Variants in NCSTN observed in about 807,000 individuals in gnomAD.
NCSTN encodes the protein nicastrin, also known as anterior pharynx-defective 2.
NCSTN carries 22 observed loss-of-function variants against 87.0 expected under a neutral mutation model. The observed-to-expected ratio is 0.25, with a 90% CI of 0.18 to 0.36. The LOEUF (loss-of-function observed/expected upper bound fraction) is 0.36, where lower values mean the gene tolerates loss of function less well. Among genes scored for constraint, NCSTN ranks in the 10% least tolerant of loss-of-function variants. The probability of loss-of-function intolerance (pLI) is 1.00; values close to 1 mark genes in which losing one functional copy is unlikely to be tolerated. For missense variants in NCSTN, 693 were observed against 883.3 expected, an observed-to-expected ratio of 0.78 and a Z score of 2.73; for synonymous variants, 306 against 327.1, an observed-to-expected ratio of 0.94 and a Z score of 0.69.
Position 160,351,640 on chromosome 1 carries a change from T to C in NCSTN, c.734-56T>C. ...GGTCAGAGATTTCCAATGTTGCCTT[T>C]ATAGCTACCTTCTCCTTTAGCCTTG... On this transcript the variant is annotated intron_variant, in intron 6 of 16. Transcript: ENST00000294785. 5 of 1,472,064 alleles carry C rather than the reference T, an allele frequency of 3.4e-6. No homozygotes were observed. The South Asian group carries it at 5.7e-5, about 17-fold the overall frequency. The allele number at this position is 1,472,064 out of a possible 1,614,324, so 91.2% of individuals were successfully genotyped here.
At position 160,351,797 on chromosome 1, in the gene NCSTN, G is replaced by A; in HGVS notation, c.835G>A (p.Ala279Thr). The change falls in exon 7 of 17, where the codon GCC (alanine) becomes ACC (threonine). Residue 279 changes from alanine to threonine, a missense_variant. By Grantham distance (58) the Ala-to-Thr change is moderately conservative. This residue lies in a region of NCSTN where 134 missense variants were observed against 226.0 expected (regional missense o/e 0.59). Transcript: ENST00000294785. ...GCCTGACGACAGGGTTGTGGTTGCT[G>A]CCACCCGGGTGAGTGTTGGCTTCTG... Reference protein sequence around the residue: ...LKPDDRVVVAATRLDSRSFFW... With the variant: ...LKPDDRVVVATTRLDSRSFFW... 1 of 1,607,192 alleles carries A rather than the reference G, an allele frequency of 6.2e-7. No individual in the cohort carries two copies. Among genetic ancestry groups the A allele is most frequent in the Admixed American group, 1.7e-5 (1 of 60,024 alleles).
chr1:160,357,055 A>C lies in NCSTN; in HGVS notation c.1809A>C (p.Ser603=). 6.2e-7 allele frequency: 1 copy of C among 1,613,816 alleles called. No homozygotes were observed. Among genetic ancestry groups the C allele is most frequent in the South Asian group, 1.1e-5 (1 of 91,054 alleles). Residue 603 remains serine, a synonymous_variant, in exon 16 of 17, where the codon TCA becomes TCC. Transcript: ENST00000294785. The part of the protein sequence containing the change: ...PSENKDLYEY[S]WVQGPLHSNE... The stretch of plus-strand genomic sequence containing the variant: ...CTTCTGTGCAGCTGTATGAGTACTC[A>C]TGGGTCCAGGGCCCTTTGCATTCTA...
rs201987976 is a variant in NCSTN, at chr1:160,355,750, C to T, written c.1448C>T (p.Thr483Ile). ...GAGGACCTGAACTTTGTAACAGACACTGCCAAGGTAGCACTGAGCCAGGCT... is the reference window on the plus strand; with the variant it reads ...GAGGACCTGAACTTTGTAACAGACATTGCCAAGGTAGCACTGAGCCAGGCT... ...PEEDLNFVTD[T>I]AKALADVATV... Residue 483 changes from threonine to isoleucine, a missense_variant, in exon 12 of 17, where the codon ACT becomes ATT. Transcript: ENST00000294785. 3 of 1,613,438 alleles carry T rather than the reference C, an allele frequency of 1.9e-6. No homozygotes were observed. The highest frequency in any genetic ancestry group is 1.7e-5 in the Admixed American group (1 of 60,028).
At chr1:160,354,553 T>G (rs971078242) in intron 11 of NCSTN, among the ~76,000 whole-genome samples, 1 of 152,182 alleles carries the variant, frequency 6.6e-6, no homozygotes, top group African/African-American at 2.4e-5. Context: ...TCCCTAGCTC[T>G]CCAGGGTCCT....
At chr1:160,344,949 A>G (rs1482938545) in intron 2 of NCSTN, 123 bp downstream of exon 2, 2 of 820,866 alleles carry the variant, frequency 2.4e-6, no homozygotes, top group Non-Finnish European at 4.2e-6. Flanking sequence ...AGGCAGTTAC[A>G]GATAACCGTC....
chr1:160,358,419 G>C lies in NCSTN; in HGVS notation c.*148G>C. ...TAAAAGAGTGGAACTATCCAAAAGA[G>C]ACAGGGAGAAATAAATAAATTGCCT... On this transcript the variant is annotated 3_prime_UTR_variant, in exon 17 of 17. Transcript: ENST00000294785. 1 of 1,057,136 alleles carries C rather than the reference G, an allele frequency of 9.5e-7. No homozygotes were observed. Among genetic ancestry groups the C allele is most frequent in the Non-Finnish European group, 1.4e-6 (1 of 705,022 alleles). The allele number at this position is 1,057,136 out of a possible 1,614,324, so 65.5% of individuals were successfully genotyped here. A position where few individuals can be genotyped will look rare whatever the true frequency, so the allele number is the denominator to read the frequency against.
chr1:160,352,896 G>A lies in NCSTN; in HGVS notation c.1006G>A (p.Asp336Asn), dbSNP rs1477792516. The A allele has an allele frequency of 6.2e-7, 1 of 1,614,034 alleles. No homozygotes were observed. The highest frequency in any genetic ancestry group is 1.7e-5 in the Admixed American group (1 of 60,016). Residue 336 changes from aspartate (D) to asparagine (N), a missense_variant, in exon 9 of 17, where the codon GAC becomes AAC. By Grantham distance (23) the Asp-to-Asn change is conservative. Coordinates refer to ENST00000294785, the MANE Select transcript of NCSTN (RefSeq NM_015331.3). ...TACCTCCATCTCTCAGGAAACTTTTGACTACATTGGCAGCTCGAGGATGGT... is the reference window on the plus strand; with the variant it reads ...TACCTCCATCTCTCAGGAAACTTTTAACTACATTGGCAGCTCGAGGATGGT... ...MFVFFQGETFDYIGSSRMVYD... is the reference protein window; with the variant it reads ...MFVFFQGETFNYIGSSRMVYD...
In NCSTN at chr1:160,355,706, C is replaced by T. The variant is rs200322980; in HGVS notation, c.1404C>T (p.Pro468=). 5.0e-6 allele frequency: 8 copies of T among 1,614,200 alleles called. No homozygotes were observed. Among genetic ancestry groups the T allele is most frequent in the African/African-American group, 2.7e-5 (2 of 75,054 alleles). The change falls in exon 12 of 17, where the codon CCC becomes CCT. Residue 468 remains proline (P), a synonymous_variant. Transcript: ENST00000294785. ...DTAENINVSY[P]EWLSPEEDLN... Reference sequence around the variant, plus strand: ...CTGAGAACATTAATGTGAGCTATCCCGAATGGCTGAGCCCTGAAGAGGACC... The same window carrying T: ...CTGAGAACATTAATGTGAGCTATCCTGAATGGCTGAGCCCTGAAGAGGACC...
At chr1:160,349,801 G>C (rs1019217438) in intron 4 of NCSTN, 131 bp downstream of exon 4, 3 of 1,318,882 alleles carry the variant, frequency 2.3e-6, no homozygotes, top group Admixed American at 1.9e-5. Flanking sequence ...TCCCAAACAG[G>C]GGGTAGTGTT....
chr1:160,348,699 ATTG>A (rs1359420324), intron 2 of NCSTN, among the ~76,000 whole-genome samples: 4 of 152,210 alleles, frequency 2.6e-5, no homozygotes, highest in African/African-American at 4.8e-5. Context: ...TTTGGTGTCT[ATTG>A]TTGTAGAATC....
chr1:160,353,265 T>C, intron 10 of NCSTN, 28 bp downstream of exon 10: 2 of 1,614,074 alleles, frequency 1.2e-6, no homozygotes, highest in Non-Finnish European at 8.5e-7. Context: ...CCTCATTTCC[T>C]ATTCCTACAG....
In NCSTN at chr1:160,355,976, A is replaced by G; in HGVS notation, c.1551+18A>G. 6.3e-7 allele frequency: 1 copy of G among 1,593,158 alleles called. No individual in the cohort carries two copies. Among genetic ancestry groups the G allele is most frequent in the Non-Finnish European group, 8.6e-7 (1 of 1,161,434 alleles). ...CCCAAACGGTAAGCAGATGGGCCCTAGCTCCTTCTTTCTATTTACACAGCA... is the reference window on the plus strand; with the variant it reads ...CCCAAACGGTAAGCAGATGGGCCCTGGCTCCTTCTTTCTATTTACACAGCA... On this transcript the variant is annotated intron_variant, in intron 13 of 16. Coordinates refer to ENST00000294785, the MANE Select transcript of NCSTN (RefSeq NM_015331.3).
chr1:160,349,764 T>C (rs1195960645), intron 4 of NCSTN, 94 bp downstream of exon 4: 1 of 1,529,044 alleles, frequency 6.5e-7, no homozygotes, highest in East Asian at 2.3e-5. Flanking sequence ...TATGTGTTTG[T>C]GTCTGTGTGT....
chr1:160,352,758 A>T, intron 8 of NCSTN, 129 bp from the exon 9 acceptor site: 3 of 753,440 alleles, frequency 4.0e-6, no homozygotes, highest in Non-Finnish European at 7.2e-6. Context: ...ACATGACTGT[A>T]AGCTGACTAG....
chr1:160,354,627 G>A (rs1649041011), intron 11 of NCSTN, among the ~76,000 whole-genome samples: 1 of 152,126 alleles, frequency 6.6e-6, no homozygotes, highest in Admixed American at 6.5e-5. Flanking sequence ...GGATGGTGGG[G>A]GCCCTTTGGC....
In NCSTN at chr1:160,356,115, C is replaced by T. The variant is rs571718831; in HGVS notation, c.1552-145C>T. The T allele has an allele frequency of 1.7e-4, 176 of 1,006,796 alleles. 1 individual carries two copies. Among genetic ancestry groups the T allele is most frequent in the South Asian group, 1.5e-3 (111 of 74,132 alleles). The allele number at this position is 1,006,796 out of a possible 1,614,324, so 62.4% of individuals were successfully genotyped here. A position where few individuals can be genotyped will look rare whatever the true frequency, so the allele number is the denominator to read the frequency against. ...AGAGCTCTTGGGTGGGCCTCATCTG[C>T]ATCTTATGAGCCAGCTACTGTCTCC... On this transcript the variant is annotated intron_variant, in intron 13 of 16. Transcript: ENST00000294785.
chr1:160,344,152 A>G (rs1223483427), intron 1 of NCSTN, among the ~76,000 whole-genome samples: 2 of 152,096 alleles, frequency 1.3e-5, no homozygotes, highest in East Asian at 1.9e-4. Flanking sequence ...ATGCCTGTAT[A>G]TAACTATGAC....
At position 160,352,181 on chromosome 1, in the gene NCSTN, A is replaced by G. The variant is rs1211721110; in HGVS notation, c.971A>G (p.Asn324Ser). 1 of 1,614,126 alleles carries G rather than the reference A, an allele frequency of 6.2e-7. No individual in the cohort carries two copies. The highest frequency in any genetic ancestry group is 8.5e-7 in the Non-Finnish European group (1 of 1,180,008). The part of the protein sequence containing the change: ...KAPDVTTLPR[N>S]VMFVFFQGET... ...CCTGATGTGACCACCCTGCCCCGCAATGTCATGTTTGTCTTCTTTCAAGGG... is the reference window on the plus strand; with the variant it reads ...CCTGATGTGACCACCCTGCCCCGCAGTGTCATGTTTGTCTTCTTTCAAGGG... The change falls in exon 8 of 17, where the codon AAT (asparagine) becomes AGT (serine). Residue 324 changes from asparagine to serine, a missense_variant. This residue lies in a region of NCSTN where 134 missense variants were observed against 226.0 expected (regional missense o/e 0.59). Transcript: ENST00000294785.
At chr1:160,343,962 T>TTTG (rs1296064803) in intron 1 of NCSTN, 1 of 271,714 alleles carries the variant, frequency 3.7e-6, no homozygotes, top group Admixed American at 5.3e-5. Flanking sequence ...AGGTTTTTTT[T>TTTG]TTTTTTTTTT....
Sources: gnomAD v4.1 joint callset for allele counts (sites outside exome capture counted in the v4.1 genomes callset) on GRCh38, gnomAD v4.1.1 for gene constraint, gnomAD v4.1.1 regional missense constraint, MANE v1.5 for transcripts, NCBI Gene and HGNC (gene_info 2026-07-23, HGNC 2026-07-21) for gene names.